The following RNF220 variants were observed in gnomAD, a reference collection of about 807,000 sequenced individuals.
The protein encoded by RNF220 is ring finger protein 220, also known as E3 ubiquitin-protein ligase RNF220.
RNF220 carries 7 observed loss-of-function variants against 67.1 expected under a neutral mutation model. The ratio of observed to expected loss-of-function variants is 0.10; its 90% CI spans 0.06 to 0.20. The LOEUF (loss-of-function observed/expected upper bound fraction) is 0.20, where lower values mean the gene tolerates loss of function less well. Ranked by LOEUF, RNF220 falls within the 10% of genes least tolerant of loss-of-function variation. The probability of loss-of-function intolerance (pLI) is 1.00; values close to 1 mark genes in which losing one functional copy is unlikely to be tolerated. For missense variants in RNF220, 565 were observed against 740.3 expected, an observed-to-expected ratio of 0.76 and a Z score of 2.75; for synonymous variants, 270 against 283.2, an observed-to-expected ratio of 0.95 and a Z score of 0.47.
intron 5 of RNF220, 67 bp from the exon 6 acceptor site, chr1:44,632,276 C>T (rs1644167133): frequency 6.2e-7 from 1 of 1,613,624 alleles, no homozygotes; most frequent in African/African-American, 1.3e-5. Context: ...GGGGCGGGGG[C>T]CAGGACTGCA....
At chr1:44,568,538 TGGGATA>T (rs1304732096) in intron 2 of RNF220, among the ~76,000 whole-genome samples, 19 of 152,346 alleles carry the variant, frequency 1.2e-4, no homozygotes, top group Admixed American at 3.9e-4. Flanking sequence ...AAATGCCAGC[TGGGATA>T]TCCCTGAATG....
At chr1:44,511,081 G>C (rs1054924314) in intron 2 of RNF220, among the ~76,000 whole-genome samples, 8 of 152,182 alleles carry the variant, frequency 5.3e-5, no homozygotes, top group African/African-American at 1.4e-4. Flanking sequence ...GCCCACTTCA[G>C]CTTTCTCCTT....
chr1:44,513,764 T>C (rs1374643395), intron 2 of RNF220, among the ~76,000 whole-genome samples: 3 of 152,244 alleles, frequency 2.0e-5, no homozygotes, highest in Admixed American at 2.0e-4. Context: ...CCAGGGCATG[T>C]TTCATGGGTC....
In RNF220 at chr1:44,479,321, C is replaced by T. The variant is rs952070967; in HGVS notation, c.625+66599C>T. The stretch of plus-strand genomic sequence containing the variant: ...TTAGTAGAGACAGGGTTTCACCGTG[C>T]TAGCCAGGATGGTCTCGATCTCCTG... On this transcript the variant is annotated intron_variant, in intron 2 of 14. Transcript: ENST00000361799. Among the ~76,000 whole-genome samples the T allele has an allele frequency of 6.6e-5, 10 of 151,946 alleles. No homozygotes were observed. The South Asian group carries it at 1.0e-3, about 16-fold the overall frequency.
intron 2 of RNF220, among the ~76,000 whole-genome samples, chr1:44,549,977 C>T (rs1449370464): frequency 2.0e-5 from 3 of 152,190 alleles, no homozygotes; most frequent in African/African-American, 7.2e-5. Flanking sequence ...GCAAGGACTC[C>T]AAGCCACCAG....
At chr1:44,601,177 G>T (rs1385447500) in intron 2 of RNF220, among the ~76,000 whole-genome samples, 2 of 152,174 alleles carry the variant, frequency 1.3e-5, no homozygotes, top group Non-Finnish European at 1.5e-5. Flanking sequence ...TATAACTGGA[G>T]TATCTATTGT....
In RNF220 at chr1:44,412,686, G is replaced by A. The variant is rs780303716; in HGVS notation, c.589G>A (p.Glu197Lys). The change falls in exon 2 of 15, where the codon GAA (glutamate) becomes AAA (lysine). Residue 197 changes from glutamate (E) to lysine (K), a missense_variant. Glu to Lys is a moderately conservative substitution (Grantham distance 56). Transcript: ENST00000361799. The surrounding 1 kb of genome is among the most constrained non-coding windows in gnomAD (Gnocchi z 5.3). ...FAVSGLISDR[E>K]ASSSPEDRND... ...TGTCTCTGGCCTCATTTCTGATCGGGAAGCCTCATCTAGCCCAGAGGATCG... is the reference window on the plus strand; with the variant it reads ...TGTCTCTGGCCTCATTTCTGATCGGAAAGCCTCATCTAGCCCAGAGGATCG... 1 of 1,614,142 alleles carries A rather than the reference G, an allele frequency of 6.2e-7. No individual in the cohort carries two copies. The highest frequency in any genetic ancestry group is 8.5e-7 in the Non-Finnish European group (1 of 1,180,022).
chr1:44,421,937 G>T (rs1189982894), intron 2 of RNF220, among the ~76,000 whole-genome samples: 1 of 152,084 alleles, frequency 6.6e-6, no homozygotes, highest in African/African-American at 2.4e-5. Flanking sequence ...AGAAATAGCT[G>T]TTGGCAGCCA....
chr1:44,447,253 C>T lies in RNF220; in HGVS notation c.625+34531C>T, dbSNP rs536737154. Among the ~76,000 whole-genome samples the T allele has an allele frequency of 2.6e-5, 4 of 152,326 alleles. 1 individual carries two copies. The highest frequency in any genetic ancestry group is 9.6e-5 in the African/African-American group (4 of 41,576). ...ACCAGCTGTGATTCATATAGCAGTT[C>T]AGTCATTGCCCTGTGATCCTGAGCT... On this transcript the variant is annotated intron_variant, in intron 2 of 14. Coordinates refer to ENST00000361799, the MANE Select transcript of RNF220 (RefSeq NM_018150.4).
chr1:44,428,477 C>T (rs946235581), intron 2 of RNF220, among the ~76,000 whole-genome samples: 5 of 152,096 alleles, frequency 3.3e-5, no homozygotes, highest in African/African-American at 1.2e-4. Context: ...GAAAAAATTG[C>T]TTTTGCTCTA....
chr1:44,531,412 G>A (rs904538472), intron 2 of RNF220, among the ~76,000 whole-genome samples: 2 of 152,150 alleles, frequency 1.3e-5, no homozygotes, highest in African/African-American at 4.8e-5. Flanking sequence ...CTCAGCTCCA[G>A]TATCATCTCC....
intron 2 of RNF220, among the ~76,000 whole-genome samples, chr1:44,467,386 T>G (rs556344668): frequency 3.3e-4 from 51 of 152,308 alleles, no homozygotes; most frequent in Non-Finnish European, 6.6e-4. Context: ...TAATTTTGTA[T>G]TTTTAGTAGA....
intron 2 of RNF220, among the ~76,000 whole-genome samples, chr1:44,584,436 A>C (rs777836814): frequency 1.3e-5 from 2 of 152,202 alleles, no homozygotes; most frequent in Non-Finnish European, 2.9e-5. Context: ...TGTGCAGCTT[A>C]CTTAGCACCA....
At chr1:44,498,910 A>G (rs1162382049) in intron 2 of RNF220, among the ~76,000 whole-genome samples, 1 of 152,082 alleles carries the variant, frequency 6.6e-6, no homozygotes, top group East Asian at 1.9e-4. Context: ...CTCTCCCCCA[A>G]TAAACTTGTC....
At chr1:44,494,299 T>G (rs1315349532) in intron 2 of RNF220, among the ~76,000 whole-genome samples, 1 of 151,132 alleles carries the variant, frequency 6.6e-6, no homozygotes, top group East Asian at 1.9e-4. Context: ...TTAAGAGACA[T>G]TACGGGGCTA....
chr1:44,459,598 A>G (rs1252473414), intron 2 of RNF220, among the ~76,000 whole-genome samples: 1 of 152,182 alleles, frequency 6.6e-6, no homozygotes, highest in African/African-American at 2.4e-5. Flanking sequence ...TCGAACAAAA[A>G]AGTGAGATTT....
chr1:44,432,628 A>G (rs536926377), intron 2 of RNF220, among the ~76,000 whole-genome samples: 1 of 152,094 alleles, frequency 6.6e-6, no homozygotes, highest in South Asian at 2.1e-4. Flanking sequence ...TGCAGTGGCT[A>G]TTCACAGGTG....
rs1643633814 is a variant in RNF220, at chr1:44,617,976, G to T, written c.758+3679G>T. Among the ~76,000 whole-genome samples, 3 of 150,876 alleles carry T rather than the reference G, an allele frequency of 2.0e-5. No individual in the cohort carries two copies. In the South Asian group the frequency reaches 6.3e-4, roughly 32 times the overall value. Reference sequence around the variant, plus strand: ...CTCCTACCCTGCCTTTGCCTCCATTGCCTCCTTTGCCCTCCCTGGCCTTCT... The same window carrying T: ...CTCCTACCCTGCCTTTGCCTCCATTTCCTCCTTTGCCCTCCCTGGCCTTCT... On this transcript the variant is annotated intron_variant, in intron 3 of 14. Transcript: ENST00000361799.
rs547649132 is a variant in RNF220 at position 44,622,894 on chromosome 1, C to T, written c.804+107C>T. ...CTTTTCTAGTATCCTCAACTATCTC[C>T]AGCTTTTCTAATATCCTCAACTATC... On this transcript the variant is annotated intron_variant, in intron 4 of 14. Transcript: ENST00000361799. This position sits in a 1 kb window ranked among gnomAD's most constrained non-coding sequence, Gnocchi z 4.3. 3.3e-6 allele frequency: 3 copies of T among 913,278 alleles called. No individual in the cohort carries two copies. The highest frequency in any genetic ancestry group is 5.4e-6 in the Non-Finnish European group (3 of 559,118). The allele number at this position is 913,278 out of a possible 1,614,324, so 56.6% of individuals were successfully genotyped here.
Sources: allele counts gnomAD v4.1 joint callset (sites outside exome capture counted in the v4.1 genomes callset), GRCh38; gene constraint gnomAD v4.1.1; non-coding constraint Gnocchi (gnomAD v3.1); transcripts MANE v1.5; gene names NCBI Gene and HGNC (gene_info 2026-07-23, HGNC 2026-07-21).